The following CACNA2D3 variants were observed in gnomAD, a reference collection of about 807,000 sequenced individuals.
CACNA2D3 encodes the protein voltage-dependent calcium channel subunit alpha-2/delta-3.
In CACNA2D3, 60 loss-of-function variants were observed where a neutral mutation model predicts 160.6. The ratio of observed to expected loss-of-function variants is 0.37; its 90% CI spans 0.30 to 0.46. CACNA2D3 has a LOEUF of 0.46. CACNA2D3 is among the 20% of genes least tolerant of loss of function. The pLI is 1.00. For synonymous variants in CACNA2D3, 558 were observed against 492.9 expected (o/e 1.13, Z -1.75); for missense variants, 1,205 against 1,365.0 (o/e 0.88, Z 1.85).
intron 35 of CACNA2D3, among the ~76,000 whole-genome samples, chr3:55,052,368 G>T (rs902681566): frequency 6.6e-6 from 1 of 151,638 alleles, no homozygotes; most frequent in African/African-American, 2.4e-5. Context: ...CTAACTTTGT[G>T]AATATTCCAT....
intron 2 of CACNA2D3, among the ~76,000 whole-genome samples, chr3:54,217,031 G>A (rs1336610325): frequency 2.0e-5 from 3 of 152,170 alleles, no homozygotes; most frequent in East Asian, 1.9e-4. Flanking sequence ...GGTGTGGGGC[G>A]GTGAGAGGCA....
intron 35 of CACNA2D3, among the ~76,000 whole-genome samples, chr3:55,032,799 A>G (rs1280229862): frequency 6.6e-6 from 1 of 152,094 alleles, no homozygotes; most frequent in East Asian, 1.9e-4. Context: ...CTTATATTTA[A>G]TTCATTGTAG....
chr3:54,183,897 A>G (rs79037173), intron 2 of CACNA2D3, among the ~76,000 whole-genome samples: 1 of 139,878 alleles, frequency 7.1e-6, no homozygotes, highest in East Asian at 2.1e-4. Context: ...AAAAAGAAAA[A>G]AAAAAAAAAA....
intron 17 of CACNA2D3, among the ~76,000 whole-genome samples, chr3:54,852,834 AGTTTAAATAAGG>A (rs1167389772): frequency 6.6e-6 from 1 of 152,194 alleles, no homozygotes; most frequent in Non-Finnish European, 1.5e-5. Context: ...ATCAAACATC[AGTTTAAATAAGG>A]GTTTAAAAAG....
intron 11 of CACNA2D3, among the ~76,000 whole-genome samples, chr3:54,698,896 G>A (rs1700714497): frequency 6.6e-6 from 1 of 152,158 alleles, no homozygotes. Flanking sequence ...AGGACGTATG[G>A]GAGAGCGAGC....
Position 54,736,057 on chromosome 3 carries a change from G to GTATATATATATACATATATA in CACNA2D3, c.1168-16539_1168-16538insATATATATACATATATATAT, listed in dbSNP as rs1212687939. On this transcript the variant is annotated intron_variant, in intron 11 of 37. Coordinates refer to ENST00000474759, the MANE Select transcript of CACNA2D3 (RefSeq NM_018398.3). ...TATGTATATATATACACATACATATGTATGTATATATATATACATATATAT... is the reference window on the plus strand; with the variant it reads ...TATGTATATATATACACATACATATGTATATATATATACATATATATATGTATATATATATACATATATAT... Among the ~76,000 whole-genome samples, 33 of 42,838 alleles carry GTATATATATATACATATATA rather than the reference G, an allele frequency of 7.7e-4. 5 individuals carry two copies. The highest frequency in any genetic ancestry group is 1.2e-3 in the Non-Finnish European group (25 of 21,614). The allele number at this position is 42,838 out of a possible 152,430, so 28.1% of individuals were successfully genotyped here.
chr3:54,918,976 G>T, intron 27 of CACNA2D3: 1 of 1,152,368 alleles, frequency 8.7e-7, no homozygotes, highest in Non-Finnish European at 1.2e-6. Context: ...AACTTAGGCA[G>T]ATGGAATTTA....
intron 31 of CACNA2D3, among the ~76,000 whole-genome samples, chr3:55,002,595 T>C (rs970164776): frequency 6.6e-6 from 1 of 152,238 alleles, no homozygotes; most frequent in African/African-American, 2.4e-5. Context: ...CTTGGCTGAT[T>C]TATGGTCTTC....
At chr3:54,912,682 G>A (rs764732402) in intron 27 of CACNA2D3, among the ~76,000 whole-genome samples, 13 of 151,814 alleles carry the variant, frequency 8.6e-5, no homozygotes, top group Non-Finnish European at 1.0e-4. Context: ...TATCCCCAGC[G>A]TTCTCTCCTC....
chr3:54,168,614 C>A (rs1051159376), intron 2 of CACNA2D3, among the ~76,000 whole-genome samples: 1 of 152,184 alleles, frequency 6.6e-6, no homozygotes, highest in Non-Finnish European at 1.5e-5. Flanking sequence ...GGTCAGCCGA[C>A]TTCTCAGCAT....
chr3:55,024,508 C>T (rs1703523733), intron 35 of CACNA2D3, among the ~76,000 whole-genome samples: 1 of 151,870 alleles, frequency 6.6e-6, no homozygotes, highest in South Asian at 2.1e-4. Context: ...GTATTAGTGC[C>T]CTTATAAAAT....
chr3:54,164,428 C>G (rs1700410552), intron 2 of CACNA2D3, among the ~76,000 whole-genome samples: 1 of 152,214 alleles, frequency 6.6e-6, no homozygotes, highest in South Asian at 2.1e-4. Flanking sequence ...TCACAGCTGC[C>G]CTGAGCTCCA....
intron 10 of CACNA2D3, chr3:54,632,070 C>T (rs1043041860): frequency 6.6e-6 from 1 of 152,164 alleles, no homozygotes; most frequent in African/African-American, 2.4e-5. Flanking sequence ...ACACTTTCAT[C>T]ACTCTCGCTA....
intron 11 of CACNA2D3, among the ~76,000 whole-genome samples, chr3:54,746,594 T>C (rs1397956143): frequency 6.6e-6 from 1 of 152,182 alleles, no homozygotes. Context: ...CACCGATAGG[T>C]CATGAAGAGA....
intron 4 of CACNA2D3, among the ~76,000 whole-genome samples, chr3:54,478,683 T>TATATATATATATATATATA (rs1553692205): frequency 7.2e-6 from 1 of 139,858 alleles, no homozygotes; most frequent in Non-Finnish European, 1.5e-5. Flanking sequence ...TATATATTGC[T>TATATATATATATATATATA]TGTCATTCTG....
chr3:54,170,002 A>C (rs1383761269), intron 2 of CACNA2D3, among the ~76,000 whole-genome samples: 3 of 152,046 alleles, frequency 2.0e-5, no homozygotes, highest in Non-Finnish European at 2.9e-5. Context: ...AGCCTGGCCA[A>C]CATGGTGAAA....
intron 4 of CACNA2D3, among the ~76,000 whole-genome samples, chr3:54,410,673 T>A (rs7373223): frequency 1.3e-5 from 2 of 151,976 alleles, no homozygotes; most frequent in South Asian, 2.1e-4. Context: ...CATTGACAAC[T>A]CACATGGCAA....
chr3:54,619,798 A>G (rs1317204250), intron 9 of CACNA2D3, among the ~76,000 whole-genome samples: 2 of 20,346 alleles, frequency 9.8e-5, no homozygotes, highest in African/African-American at 4.2e-4. Context: ...TACCTACAAG[A>G]TAATATTGGC....
intron 27 of CACNA2D3, among the ~76,000 whole-genome samples, chr3:54,957,810 G>T (rs1378136507): frequency 6.6e-6 from 1 of 152,134 alleles, no homozygotes; most frequent in Non-Finnish European, 1.5e-5. Flanking sequence ...CCCCTACACA[G>T]TCCCCCAGAC....
Sources: allele counts gnomAD v4.1 joint callset (sites outside exome capture counted in the v4.1 genomes callset), GRCh38; gene constraint gnomAD v4.1.1; transcripts MANE v1.5; gene names NCBI Gene and HGNC (gene_info 2026-07-23, HGNC 2026-07-21).